Variants in TENM3 observed in about 807,000 individuals in gnomAD.
TENM3 encodes the protein teneurin-3.
TENM3 carries 63 observed loss-of-function variants against 255.1 expected under a neutral mutation model. The observed-to-expected ratio is 0.25, with a 90% confidence interval of 0.20 to 0.30. The LOEUF (loss-of-function observed/expected upper bound fraction) is 0.30, where lower values mean the gene tolerates loss of function less well. Among genes scored for constraint, TENM3 ranks in the 10% least tolerant of loss-of-function variants. TENM3 has a pLI of 1.00. For missense variants in TENM3, 2,929 were observed against 3,461.1 expected (o/e 0.85, Z 3.86); for synonymous variants, 1,306 against 1,322.3 (o/e 0.99, Z 0.27).
the TENM3 span, among the ~76,000 whole-genome samples, chr4:181,898,663 A>G: frequency 6.6e-6 from 1 of 152,034 alleles, no homozygotes; most frequent in African/African-American, 2.4e-5. Context: ...ATAACCCATT[A>G]CTCTATCAGA....
At chr4:181,928,931 A>G in the TENM3 span, among the ~76,000 whole-genome samples, 3 of 152,182 alleles carry the variant, frequency 2.0e-5, no homozygotes, top group Admixed American at 6.5e-5. Flanking sequence ...GTGAAACTAA[A>G]CTTCATAAGC....
chr4:182,390,527 C>A (rs148259958), intron 3 of TENM3, among the ~76,000 whole-genome samples: 3 of 152,260 alleles, frequency 2.0e-5, no homozygotes, highest in African/African-American at 7.2e-5. Flanking sequence ...AGTTTGCTAA[C>A]AAGGTGCCCT....
the TENM3 span, among the ~76,000 whole-genome samples, chr4:182,105,598 C>A: frequency 6.6e-6 from 1 of 152,158 alleles, no homozygotes; most frequent in Non-Finnish European, 1.5e-5. Context: ...GCGGAAGTAC[C>A]AGACACAGCT....
chr4:182,651,091 T>C (rs2152511161), intron 5 of TENM3, among the ~76,000 whole-genome samples: 1 of 152,152 alleles, frequency 6.6e-6, no homozygotes. Flanking sequence ...AAGAAGACTT[T>C]TTATGTTAAA....
intron 1 of TENM3, among the ~76,000 whole-genome samples, chr4:182,244,563 C>G (rs963738411): frequency 5.3e-5 from 8 of 152,150 alleles, no homozygotes; most frequent in Non-Finnish European, 8.8e-5. Flanking sequence ...TTTTAAGATG[C>G]CTCAGCTTTA....
the TENM3 span, among the ~76,000 whole-genome samples, chr4:181,518,307 T>G: frequency 6.6e-6 from 1 of 152,134 alleles, no homozygotes; most frequent in Non-Finnish European, 1.5e-5. Flanking sequence ...GGGGTTTTTT[T>G]TTTTAACCCT....
At chr4:181,901,504 C>A in the TENM3 span, among the ~76,000 whole-genome samples, 1 of 152,162 alleles carries the variant, frequency 6.6e-6, no homozygotes, top group African/African-American at 2.4e-5. Flanking sequence ...TCTGATCCTG[C>A]CTACAAGAAT....
the TENM3 span, among the ~76,000 whole-genome samples, chr4:181,465,590 T>C: frequency 6.6e-6 from 1 of 152,224 alleles, no homozygotes; most frequent in East Asian, 1.9e-4. Context: ...TATATTTATT[T>C]CTTAGCGGAA....
At chr4:181,970,515 G>A in the TENM3 span, among the ~76,000 whole-genome samples, 1 of 152,192 alleles carries the variant, frequency 6.6e-6, no homozygotes, top group African/African-American at 2.4e-5. Context: ...TAATGCATCT[G>A]CTTAACATCA....
rs1762851170 is a variant in TENM3, at chr4:182,318,139, T to C, written c.-75-5807T>C. ...TATATAGAGATATCCAAGGTAACATTCAAGGCTTTGTAATTTGTACAGAAA... is the reference window on the plus strand; with the variant it reads ...TATATAGAGATATCCAAGGTAACATCCAAGGCTTTGTAATTTGTACAGAAA... On this transcript the variant is annotated intron_variant, in intron 1 of 27. Transcript: ENST00000511685. 3.3e-5 allele frequency among the ~76,000 whole-genome samples: 5 copies of C among 152,320 alleles called. No homozygotes were observed. The South Asian group carries it at 1.0e-3, about 32-fold the overall frequency.
At chr4:181,637,903 A>G in the TENM3 span, among the ~76,000 whole-genome samples, 2 of 152,308 alleles carry the variant, frequency 1.3e-5, no homozygotes, top group Non-Finnish European at 1.5e-5. Context: ...GTAAATGGGT[A>G]GATGGATGAG....
At chr4:182,509,122 A>G (rs368157579) in intron 3 of TENM3, among the ~76,000 whole-genome samples, 3 of 152,174 alleles carry the variant, frequency 2.0e-5, no homozygotes, top group Non-Finnish European at 4.4e-5. Flanking sequence ...TCTAGCAGGG[A>G]TCCTTTGTGT....
the TENM3 span, among the ~76,000 whole-genome samples, chr4:181,620,597 G>A: frequency 6.6e-6 from 1 of 150,884 alleles, no homozygotes; most frequent in African/African-American, 2.4e-5. Flanking sequence ...CTGTTTTCCA[G>A]GAATAGACTC....
the TENM3 span, among the ~76,000 whole-genome samples, chr4:181,624,274 G>A: frequency 3.9e-5 from 6 of 152,132 alleles, no homozygotes; most frequent in African/African-American, 1.2e-4. Context: ...CCCCAGCATC[G>A]CCACTCGCTG....
At chr4:182,228,358 A>ATGTAATGTGTGTGTG (rs1554035080) in intron 1 of TENM3, among the ~76,000 whole-genome samples, 2 of 109,014 alleles carry the variant, frequency 1.8e-5, no homozygotes, top group African/African-American at 7.2e-5. Context: ...ATGTAATGTA[A>ATGTAATGTGTGTGTG]TGTGTGTGTG....
At chr4:181,659,120 A>T in the TENM3 span, among the ~76,000 whole-genome samples, 1 of 152,240 alleles carries the variant, frequency 6.6e-6, no homozygotes, top group Non-Finnish European at 1.5e-5. Flanking sequence ...TAAGAACAGA[A>T]GCATTCCTAA....
intron 3 of TENM3, among the ~76,000 whole-genome samples, chr4:182,573,147 G>A (rs139577301): frequency 5.9e-5 from 9 of 152,068 alleles, no homozygotes; most frequent in South Asian, 2.1e-4. Flanking sequence ...AGTGAGACTC[G>A]GGGATTTAAA....
the TENM3 span, among the ~76,000 whole-genome samples, chr4:181,895,017 C>T: frequency 5.9e-5 from 9 of 151,938 alleles, no homozygotes; most frequent in Non-Finnish European, 8.8e-5. Flanking sequence ...AAAGTCAATC[C>T]GCCATAGTTA....
intron 3 of TENM3, among the ~76,000 whole-genome samples, chr4:182,471,285 T>G (rs902055818): frequency 6.6e-6 from 1 of 152,238 alleles, no homozygotes; most frequent in Non-Finnish European, 1.5e-5. Context: ...TATGATGAAC[T>G]TTCTTACACA....
Sources: allele counts gnomAD v4.1 joint callset (sites outside exome capture counted in the v4.1 genomes callset), GRCh38; gene constraint gnomAD v4.1.1; transcripts MANE v1.5; gene names NCBI Gene and HGNC (gene_info 2026-07-23, HGNC 2026-07-21).